LRRC9: variants seen among roughly 807,000 people sequenced by gnomAD.
LRRC9 encodes the protein leucine rich repeat containing 9.
Under a neutral mutation model 63.2 loss-of-function variants are expected in LRRC9, and 122 were observed. That is an observed-to-expected ratio of 1.93 (90% CI 1.67 to 2.24). LRRC9 has a LOEUF of 2.24. Ranked by LOEUF, LRRC9 falls within the 30% of genes most tolerant of loss-of-function variation. LRRC9 has a pLI of 0.00. For missense variants in LRRC9, 1,071 were observed against 627.7 expected (o/e 1.71, Z -7.55); for synonymous variants, 366 against 213.1 (o/e 1.72, Z -6.25).
chr14:60,044,404 T>C lies in LRRC9; in HGVS notation c.3991-8661T>C, dbSNP rs1893232617. ...TCATTAGGGTGTTTATTTTGAAGACTTTCAACTTTTTTGACATAGGCATTT... is the reference window on the plus strand; with the variant it reads ...TCATTAGGGTGTTTATTTTGAAGACCTTCAACTTTTTTGACATAGGCATTT... On this transcript the variant is annotated intron_variant, in intron 29 of 31. Coordinates refer to ENST00000445360, the Ensembl canonical transcript of LRRC9. 2.0e-5 allele frequency among the ~76,000 whole-genome samples: 3 copies of C among 152,318 alleles called. No individual in the cohort carries two copies. The East Asian group carries it at 5.8e-4, about 29-fold the overall frequency.
chr14:59,935,264 A>C (rs1014694546), intron 6 of LRRC9, among the ~76,000 whole-genome samples: 1 of 151,242 alleles, frequency 6.6e-6, no homozygotes, highest in African/African-American at 2.4e-5. Flanking sequence ...ACTGCACTAC[A>C]GCCTGGGTAA....
exon 25 of LRRC9, chr14:60,018,463 A>C (rs151255023): frequency 1.4e-6 from 1 of 698,722 alleles, no homozygotes. Context: ...GGATTAATCT[A>C]TCTACCTAAT....
chr14:59,956,410 T>C (rs1047917197), intron 8 of LRRC9, among the ~76,000 whole-genome samples: 2 of 152,202 alleles, frequency 1.3e-5, no homozygotes, highest in African/African-American at 4.8e-5. Context: ...TTGTCTTTTT[T>C]GATCTTTGCT....
intron 23 of LRRC9, among the ~76,000 whole-genome samples, chr14:60,009,264 G>C (rs949532363): frequency 3.9e-5 from 6 of 152,114 alleles, no homozygotes; most frequent in Non-Finnish European, 8.8e-5. Flanking sequence ...CCCAAGACTG[G>C]GCAATTTATA....
chr14:60,019,051 T>C, intron 25 of LRRC9, 70 bp from the exon 26 acceptor site: 1 of 587,520 alleles, frequency 1.7e-6, no homozygotes, highest in East Asian at 2.9e-5. Context: ...ATGTGGTATA[T>C]TCCAAGTTTT....
In LRRC9 at chr14:60,058,114, G is replaced by T; in HGVS notation, c.4276+92G>T. The T allele has an allele frequency of 2.2e-6, 1 of 455,012 alleles. No homozygotes were observed. Among genetic ancestry groups the T allele is most frequent in the Non-Finnish European group, 4.0e-6 (1 of 251,878 alleles). 28.2% of individuals were successfully genotyped at this position (455,012 alleles called of 1,614,324 possible). On this transcript the variant is annotated intron_variant, in intron 31 of 31. Transcript: ENST00000445360. This position sits in a 1 kb window ranked among gnomAD's most constrained non-coding sequence, Gnocchi z 4.4. ...TTTCTAATAGTACTTAAAATTCCTT[G>T]TTTTTAACTTACATTTCCTAAAATT...
intron 27 of LRRC9, among the ~76,000 whole-genome samples, chr14:60,023,843 G>T (rs1891307419): frequency 1.3e-5 from 2 of 151,994 alleles, no homozygotes; most frequent in South Asian, 4.1e-4. Context: ...TCCCCTCCCT[G>T]TGTCCATGTG....
intron 12 of LRRC9, among the ~76,000 whole-genome samples, chr14:59,973,089 C>T (rs1430844664): frequency 6.6e-6 from 1 of 151,918 alleles, no homozygotes; most frequent in African/African-American, 2.4e-5. Flanking sequence ...GCAATCACAC[C>T]TATTTGTATA....
chr14:60,034,015 CTTTTTT>C (rs1157239003), intron 29 of LRRC9, among the ~76,000 whole-genome samples: 5 of 116,016 alleles, frequency 4.3e-5, no homozygotes, highest in African/African-American at 1.9e-4. Flanking sequence ...TTTTTTCTTT[CTTTTTT>C]TTTTTTTTTT....
chr14:60,041,955 TTTTC>T (rs1457045618), intron 29 of LRRC9, among the ~76,000 whole-genome samples: 2 of 152,206 alleles, frequency 1.3e-5, no homozygotes, highest in South Asian at 2.1e-4. Flanking sequence ...TGTTTGTTAG[TTTTC>T]TTTCTAACGG....
chr14:59,991,286 A>C (rs1225290433), intron 17 of LRRC9, among the ~76,000 whole-genome samples: 1 of 152,194 alleles, frequency 6.6e-6, no homozygotes, highest in Non-Finnish European at 1.5e-5. Flanking sequence ...CTTCTCATAT[A>C]AATGAGGTAA....
intron 29 of LRRC9, among the ~76,000 whole-genome samples, chr14:60,050,357 T>C (rs1893790558): frequency 6.6e-6 from 1 of 152,204 alleles, no homozygotes; most frequent in African/African-American, 2.4e-5. Context: ...TGGTCTATTC[T>C]GCTATTGATA....
chr14:60,038,992 G>C (rs565833138), intron 29 of LRRC9, among the ~76,000 whole-genome samples: 1 of 152,142 alleles, frequency 6.6e-6, no homozygotes, highest in East Asian at 1.9e-4. Flanking sequence ...GAATTTTGTC[G>C]AAGGCCTTCT....
At chr14:60,057,784 GTTGA>G (rs1173658169) in intron 30 of LRRC9, 90 bp from the exon 31 acceptor site, 3 of 451,178 alleles carry the variant, frequency 6.6e-6, no homozygotes, top group Non-Finnish European at 1.2e-5. Context: ...TAAAAAGAAT[GTTGA>G]TTGTCTACTC....
chr14:59,984,445 T>C (rs1168431719), intron 16 of LRRC9, among the ~76,000 whole-genome samples: 1 of 152,194 alleles, frequency 6.6e-6, no homozygotes, highest in Non-Finnish European at 1.5e-5. Flanking sequence ...AATACAGTCT[T>C]TACTTGATAC....
rs1487104556 is a variant in LRRC9 at position 59,922,367 on chromosome 14, A to G, written c.-34+2484A>G. 6.6e-6 allele frequency among the ~76,000 whole-genome samples: 1 copy of G among 152,188 alleles called. No individual in the cohort carries two copies. The highest frequency in any genetic ancestry group is 1.5e-5 in the Non-Finnish European group (1 of 68,032). ...AATCCAGGACTGAAAGCAGGTAGTG[A>G]TGTGTTGCTAATGATTATCTAAAAG... On this transcript the variant is annotated intron_variant, in intron 1 of 31. Transcript: ENST00000445360. The surrounding 1 kb of genome is among the most constrained non-coding windows in gnomAD (Gnocchi z 5.3).
At chr14:60,026,459 A>G (rs1891563339) in intron 27 of LRRC9, among the ~76,000 whole-genome samples, 1 of 151,980 alleles carries the variant, frequency 6.6e-6, no homozygotes. Flanking sequence ...GGCTCCTTAT[A>G]TATTCTGGTT....
chr14:60,019,210 G>C, exon 26 of LRRC9: 1 of 700,154 alleles, frequency 1.4e-6, no homozygotes, highest in South Asian at 1.5e-5. Flanking sequence ...TACTGTACCA[G>C]AAAGTGCCTT....
rs1427367736 is a variant in LRRC9 at position 59,925,105 on chromosome 14, T to A, written c.-33-2806T>A. Among the ~76,000 whole-genome samples the A allele has an allele frequency of 4.6e-5, 7 of 152,138 alleles. No individual in the cohort carries two copies. In the East Asian group the frequency reaches 1.3e-3, roughly 29 times the overall value. On this transcript the variant is annotated intron_variant, in intron 1 of 31. Coordinates refer to ENST00000445360, the Ensembl canonical transcript of LRRC9. ...TGTCTTATGCCTTCAATATGAATATTAACAAAGAGTCAATGAATGAACAAA... is the reference window on the plus strand; with the variant it reads ...TGTCTTATGCCTTCAATATGAATATAAACAAAGAGTCAATGAATGAACAAA...
Sources: allele counts gnomAD v4.1 joint callset (sites outside exome capture counted in the v4.1 genomes callset), GRCh38; gene constraint gnomAD v4.1.1; non-coding constraint Gnocchi (gnomAD v3.1); transcripts MANE v1.5; gene names NCBI Gene and HGNC (gene_info 2026-07-23, HGNC 2026-07-21).